Variants in SPHKAP observed in about 807,000 individuals in gnomAD.
SPHKAP encodes A-kinase anchor protein SPHKAP.
A neutral mutation model predicts 137.5 loss-of-function variants in SPHKAP; 67 were observed. The observed-to-expected ratio is 0.49, with a 90% CI of 0.40 to 0.60. SPHKAP has a LOEUF of 0.60. SPHKAP is among the 20% of genes least tolerant of loss of function. The pLI, the probability that SPHKAP is intolerant of heterozygous loss-of-function variation, is 0.00. For missense variants in SPHKAP, 2,097 were observed against 2,069.3 expected, an observed-to-expected ratio of 1.01 and a Z score of -0.26; for synonymous variants, 813 against 785.3, an observed-to-expected ratio of 1.04 and a Z score of -0.59.
chr2:228,106,973 C>T (rs138422860), intron 3 of SPHKAP, among the ~76,000 whole-genome samples: 9 of 152,190 alleles, frequency 5.9e-5, no homozygotes, highest in Middle Eastern at 3.4e-3. Flanking sequence ...ATTGAATATA[C>T]TTATTGTGTA....
At chr2:228,092,214 T>TAC (rs1011944684) in intron 3 of SPHKAP, among the ~76,000 whole-genome samples, 2 of 137,500 alleles carry the variant, frequency 1.5e-5, no homozygotes, top group East Asian at 2.2e-4. Flanking sequence ...CACACATATA[T>TAC]ACACACATAT....
intron 11 of SPHKAP, among the ~76,000 whole-genome samples, chr2:227,983,402 C>G (rs1460678227): frequency 6.6e-6 from 1 of 152,160 alleles, no homozygotes. Context: ...CTTTTAATAC[C>G]TGGAAATATA....
chr2:228,059,105 G>T (rs190928208), intron 3 of SPHKAP, among the ~76,000 whole-genome samples: 2 of 152,186 alleles, frequency 1.3e-5, no homozygotes, highest in Non-Finnish European at 2.9e-5. Context: ...TTGTATTCAT[G>T]TTGTGTGTAT....
At chr2:228,113,619 C>G (rs986965981) in intron 2 of SPHKAP, among the ~76,000 whole-genome samples, 4 of 139,318 alleles carry the variant, frequency 2.9e-5, no homozygotes, top group African/African-American at 1.2e-4. Flanking sequence ...CTCTCTCTCT[C>G]TCTCTCTCTC....
rs982426269 is a variant in SPHKAP, at chr2:228,038,214, G to A, written c.247-10671C>T. The stretch of plus-strand genomic sequence containing the variant: ...AAGTGACAGAAACATCATGGGCCAC[G>A]TGTGCTGGAGAAGGGAGTTGGGAGA... On this transcript the variant is annotated intron_variant, in intron 3 of 11. Coordinates refer to ENST00000392056, the MANE Select transcript of SPHKAP (RefSeq NM_001142644.2). Among the ~76,000 whole-genome samples the A allele has an allele frequency of 3.9e-5, 6 of 152,200 alleles. No individual in the cohort carries two copies. In the East Asian group the frequency reaches 7.7e-4, roughly 20 times the overall value.
At chr2:228,078,791 G>T (rs1559161535) in intron 3 of SPHKAP, among the ~76,000 whole-genome samples, 2 of 152,162 alleles carry the variant, frequency 1.3e-5, no homozygotes, top group South Asian at 4.1e-4. Flanking sequence ...AGTGGAGAGA[G>T]ATACCCACTG....
At chr2:228,113,585 C>A (rs1169342513) in intron 2 of SPHKAP, among the ~76,000 whole-genome samples, 2 of 149,190 alleles carry the variant, frequency 1.3e-5, no homozygotes, top group East Asian at 4.0e-4. Flanking sequence ...TACCAAATCC[C>A]AGTCTATGCA....
chr2:228,001,013 T>C (rs1574725910), intron 7 of SPHKAP, among the ~76,000 whole-genome samples: 1 of 152,168 alleles, frequency 6.6e-6, no homozygotes, highest in South Asian at 2.1e-4. Context: ...CAGTAATGAA[T>C]GAGTTTCTGT....
At chr2:227,985,906 A>G (rs1256502721) in intron 11 of SPHKAP, among the ~76,000 whole-genome samples, 1 of 152,246 alleles carries the variant, frequency 6.6e-6, no homozygotes, top group East Asian at 1.9e-4. Context: ...TGCATTAAGC[A>G]TAAGTGAGTT....
At chr2:228,137,067 C>G (rs1398955385) in intron 1 of SPHKAP, among the ~76,000 whole-genome samples, 2 of 152,128 alleles carry the variant, frequency 1.3e-5, no homozygotes, top group Non-Finnish European at 2.9e-5. Flanking sequence ...GCTCCTGCCT[C>G]GTTCCCACCC....
At chr2:228,007,813 G>A (rs897971332) in intron 7 of SPHKAP, among the ~76,000 whole-genome samples, 5 of 152,018 alleles carry the variant, frequency 3.3e-5, no homozygotes, top group Non-Finnish European at 7.4e-5. Flanking sequence ...AATGAAGAAA[G>A]GATAGTCTCA....
At position 228,115,223 on chromosome 2, in the gene SPHKAP, G is replaced by A. The variant is rs115034734; in HGVS notation, c.139-6284C>T. Among the ~76,000 whole-genome samples the A allele has an allele frequency of 5.0e-3, 756 of 152,218 alleles. 6 individuals carry two copies. Among genetic ancestry groups the A allele is most frequent in the African/African-American group, 0.017 (708 of 41,550 alleles). On this transcript the variant is annotated intron_variant, in intron 2 of 11. Coordinates refer to ENST00000392056, the MANE Select transcript of SPHKAP (RefSeq NM_001142644.2). ...CAGGGAATTAATTACCACCTGGAGG[G>A]ATGACTTGCTGATCTGTAGCTCCAG...
rs548366028 is a variant in SPHKAP, at chr2:228,000,390, G to C, written c.4449-4696C>G. 6.6e-5 allele frequency among the ~76,000 whole-genome samples: 10 copies of C among 152,300 alleles called. No individual in the cohort carries two copies. The East Asian group carries it at 7.7e-4, about 12-fold the overall frequency. ...TCCCAGCACTTTGGGAGGCCAAGGT[G>C]GGTGGATCACGAGGTCAGGAGATGG... On this transcript the variant is annotated intron_variant, in intron 7 of 11. Transcript: ENST00000392056.
At chr2:227,989,950 T>A (rs544763057) in intron 11 of SPHKAP, among the ~76,000 whole-genome samples, 13 of 152,232 alleles carry the variant, frequency 8.5e-5, no homozygotes, top group Admixed American at 8.5e-4. Context: ...CAGAGCTTTT[T>A]CTGGCTGGTG....
chr2:228,087,178 G>T (rs1697566367), intron 3 of SPHKAP, among the ~76,000 whole-genome samples: 1 of 152,100 alleles, frequency 6.6e-6, no homozygotes, highest in Non-Finnish European at 1.5e-5. Context: ...AAGTTTCAAG[G>T]CTATGTCCTC....
intron 3 of SPHKAP, among the ~76,000 whole-genome samples, chr2:228,104,923 A>C (rs1258124504): frequency 6.6e-6 from 1 of 152,230 alleles, no homozygotes; most frequent in Non-Finnish European, 1.5e-5. Context: ...AACATAAAAA[A>C]ACAGTGGAAG....
chr2:228,159,270 A>C (rs181932235), intron 1 of SPHKAP, among the ~76,000 whole-genome samples: 7 of 152,222 alleles, frequency 4.6e-5, no homozygotes. Context: ...TTAAATAGGA[A>C]ATGGAACTCA....
intron 3 of SPHKAP, among the ~76,000 whole-genome samples, chr2:228,101,353 C>T (rs1289970465): frequency 6.6e-6 from 1 of 152,242 alleles, no homozygotes; most frequent in South Asian, 2.1e-4. Context: ...TTGTAGCCTA[C>T]TTTTTATATA....
At chr2:228,124,707 A>C (rs1027815224) in intron 2 of SPHKAP, among the ~76,000 whole-genome samples, 2 of 142,658 alleles carry the variant, frequency 1.4e-5, no homozygotes, top group Non-Finnish European at 3.1e-5. Flanking sequence ...CGTTGTGCAC[A>C]TGTACCCTAA....
Sources: allele counts gnomAD v4.1 joint callset (sites outside exome capture counted in the v4.1 genomes callset), GRCh38; gene constraint gnomAD v4.1.1; transcripts MANE v1.5; gene names NCBI Gene and HGNC (gene_info 2026-07-23, HGNC 2026-07-21).